The following NT5DC1 variants were observed in gnomAD, a reference collection of about 807,000 sequenced individuals.
NT5DC1 encodes the protein 5'-nucleotidase domain-containing protein 1.
Under a neutral mutation model 59.4 loss-of-function variants are expected in NT5DC1, and 42 were observed. The ratio of observed to expected loss-of-function variants is 0.71; its 90% CI spans 0.55 to 0.92. The LOEUF (loss-of-function observed/expected upper bound fraction) is 0.92. Ranked by LOEUF, NT5DC1 falls within the 40% of genes least tolerant of loss-of-function variation. NT5DC1 has a pLI of 0.00. For synonymous variants in NT5DC1, 172 were observed against 188.1 expected, an observed-to-expected ratio of 0.91 and a Z score of 0.70; for missense variants, 501 against 537.1, an observed-to-expected ratio of 0.93 and a Z score of 0.66.
intron 6 of NT5DC1, among the ~76,000 whole-genome samples, chr6:116,150,272 TTTTTA>T (rs1240436342): frequency 2.6e-5 from 4 of 151,972 alleles, no homozygotes; most frequent in African/African-American, 7.3e-5. Context: ...AATGGTTTTT[TTTTTA>T]TTTTAACTTT....
intron 4 of NT5DC1, among the ~76,000 whole-genome samples, chr6:116,112,751 A>T (rs1464212890): frequency 2.0e-5 from 3 of 152,242 alleles, no homozygotes; most frequent in Non-Finnish European, 4.4e-5. Flanking sequence ...ACTTTCATAC[A>T]TATATCTAGG....
chr6:116,110,673 A>G (rs189034129), intron 3 of NT5DC1, 177 bp from the exon 4 acceptor site: 3 of 687,046 alleles, frequency 4.4e-6, no homozygotes, highest in African/African-American at 1.8e-5. Flanking sequence ...TAAGTGCTAC[A>G]GCTGCCCACA....
chr6:116,178,052 A>AGTGTGTGT (rs61085607), intron 6 of NT5DC1, among the ~76,000 whole-genome samples: 6,688 of 136,074 alleles, frequency 0.049, 211 homozygotes, highest in Admixed American at 0.074. Flanking sequence ...CAAAGAGGAA[A>AGTGTGTGT]GTGTGTGTGT....
intron 7 of NT5DC1, 43 bp from the exon 8 acceptor site, chr6:116,222,991 C>G: frequency 1.9e-6 from 2 of 1,055,784 alleles, no homozygotes; most frequent in South Asian, 1.3e-5. Flanking sequence ...TGGACCTTTT[C>G]TAATTCTTAA....
At chr6:116,185,859 T>C (rs1780982992) in intron 6 of NT5DC1, among the ~76,000 whole-genome samples, 1 of 152,152 alleles carries the variant, frequency 6.6e-6, no homozygotes, top group Non-Finnish European at 1.5e-5. Context: ...TTAGGCCCTT[T>C]ACATTCAACG....
At chr6:116,120,470 A>G in intron 6 of NT5DC1, 1 of 1,614,248 alleles carries the variant, frequency 6.2e-7, no homozygotes, top group East Asian at 2.2e-5. Context: ...AGACACAGGC[A>G]TTCCTGTTAC....
intron 6 of NT5DC1, among the ~76,000 whole-genome samples, chr6:116,196,605 G>C (rs1189178325): frequency 6.6e-6 from 1 of 152,028 alleles, no homozygotes; most frequent in Non-Finnish European, 1.5e-5. Flanking sequence ...ATAGAAAGTT[G>C]AGGTCAGGGG....
chr6:116,239,369 G>T (rs1471252799), intron 11 of NT5DC1, among the ~76,000 whole-genome samples: 2 of 152,002 alleles, frequency 1.3e-5, no homozygotes, highest in Non-Finnish European at 2.9e-5. Context: ...AGAGTTACCA[G>T]GACAAGCTGC....
At chr6:116,182,614 G>C (rs546499185) in intron 6 of NT5DC1, among the ~76,000 whole-genome samples, 1 of 151,910 alleles carries the variant, frequency 6.6e-6, no homozygotes, top group East Asian at 1.9e-4. Context: ...TATGGTTTTG[G>C]TTTGCATTTC....
chr6:116,176,631 G>A (rs909241532), intron 6 of NT5DC1, among the ~76,000 whole-genome samples: 1 of 152,150 alleles, frequency 6.6e-6, no homozygotes, highest in African/African-American at 2.4e-5. Flanking sequence ...GCAGTCTTGT[G>A]CCCATAATAG....
chr6:116,197,314 T>C (rs1438200903), intron 6 of NT5DC1, among the ~76,000 whole-genome samples: 2 of 152,016 alleles, frequency 1.3e-5, no homozygotes, highest in Non-Finnish European at 2.9e-5. Context: ...GGTGGCCAAC[T>C]GAGACTTATA....
chr6:116,192,961 T>C (rs1781150731), intron 6 of NT5DC1, among the ~76,000 whole-genome samples: 1 of 152,094 alleles, frequency 6.6e-6, no homozygotes, highest in Non-Finnish European at 1.5e-5. Flanking sequence ...GCCAGGATTG[T>C]TGCCAAGAAG....
chr6:116,237,512 T>C (rs1414434456), intron 9 of NT5DC1: 1 of 457,490 alleles, frequency 2.2e-6, no homozygotes, highest in Non-Finnish European at 4.4e-6. Context: ...AACAGAGCCC[T>C]GCTCCATTGG....
At position 116,246,468 on chromosome 6, in the gene NT5DC1, TACACACACACACAC is replaced by T. The variant is rs57839520; in HGVS notation, c.*2457_*2470del. On this transcript the variant is annotated 3_prime_UTR_variant, in exon 12 of 12. Coordinates refer to ENST00000319550, the MANE Select transcript of NT5DC1 (RefSeq NM_152729.3). ...ATTCATATCCAAAAATAACTTTAAA[TACACACACACACAC>T]ACACACACACACTTTTAGTGAACTG... The T allele has an allele frequency of 6.7e-6, 1 of 149,450 alleles. No individual in the cohort carries two copies. The highest frequency in any genetic ancestry group is 6.7e-5 in the Admixed American group (1 of 15,020). 9.3% of individuals were successfully genotyped at this position (149,450 alleles called of 1,614,324 possible).
At chr6:116,182,005 C>T (rs7758930) in intron 6 of NT5DC1, among the ~76,000 whole-genome samples, 77,261 of 151,616 alleles carry the variant, frequency 0.51, 20,779 homozygotes, top group African/African-American at 0.69. Context: ...GTGTATAGTC[C>T]TTTATCCCTC....
At chr6:116,116,520 T>A (rs1383291172) in intron 5 of NT5DC1, among the ~76,000 whole-genome samples, 1 of 152,142 alleles carries the variant, frequency 6.6e-6, no homozygotes, top group Non-Finnish European at 1.5e-5. Context: ...CGTGCACCTG[T>A]AGTCCCAGCT....
intron 6 of NT5DC1, chr6:116,121,856 C>G (rs1028743217): frequency 1.2e-6 from 2 of 1,614,042 alleles, no homozygotes; most frequent in African/African-American, 1.3e-5. Flanking sequence ...GAGTCCAGGA[C>G]TTCCGTAGCC....
chr6:116,161,413 T>TA (rs896033989), intron 6 of NT5DC1, among the ~76,000 whole-genome samples: 78 of 150,996 alleles, frequency 5.2e-4, no homozygotes, highest in African/African-American at 1.6e-3. Context: ...ATAAAGCAGA[T>TA]AAAAAAAAAG....
At chr6:116,144,592 A>T (rs758097904) in intron 6 of NT5DC1, among the ~76,000 whole-genome samples, 17 of 152,188 alleles carry the variant, frequency 1.1e-4, no homozygotes, top group Non-Finnish European at 1.0e-4. Context: ...CTAAGTTTAG[A>T]ATTCAAATAT....
Sources: gnomAD v4.1 joint callset for allele counts (sites outside exome capture counted in the v4.1 genomes callset) on GRCh38, gnomAD v4.1.1 for gene constraint, MANE v1.5 for transcripts, NCBI Gene and HGNC (gene_info 2026-07-23, HGNC 2026-07-21) for gene names.